Variants in RNF141 observed in about 807,000 individuals in gnomAD.
The protein encoded by RNF141 is C3HC4-like zinc finger protein.
A neutral mutation model predicts 27.4 loss-of-function variants in RNF141; 18 were observed. That is an observed-to-expected ratio of 0.66 (90% CI 0.45 to 0.97). The LOEUF (loss-of-function observed/expected upper bound fraction) is 0.97. Among genes scored for constraint, RNF141 ranks in the 50% least tolerant of loss-of-function variants. RNF141 has a pLI of 0.00. For missense variants in RNF141, 230 were observed against 279.4 expected (o/e 0.82, Z 1.26); for synonymous variants, 97 against 96.6 (o/e 1.00, Z -0.02).
chr11:10,521,344 G>A (rs1422558731), intron 4 of RNF141, among the ~76,000 whole-genome samples: 1 of 152,166 alleles, frequency 6.6e-6, no homozygotes, highest in Non-Finnish European at 1.5e-5. Flanking sequence ...TGAATATAGG[G>A]TGTTTGTCTT....
In RNF141 at chr11:10,525,257, G is replaced by C. The variant is rs781040500; in HGVS notation, c.369C>G (p.Thr123=). Residue 123 remains threonine (T), a synonymous_variant, in exon 4 of 6, where the codon ACC becomes ACG. Transcript: ENST00000265981. ...QAAGVLAQSS[T]SEEPDENSSS... The stretch of plus-strand genomic sequence containing the variant: ...ATGAGTTTTCATCAGGTTCTTCAGA[G>C]GTGGAGCTCTGTGCCAATACTCCTG... The C allele has an allele frequency of 1.6e-5, 26 of 1,613,060 alleles. No individual in the cohort carries two copies. The highest frequency in any genetic ancestry group is 2.1e-5 in the Non-Finnish European group (25 of 1,179,512).
chr11:10,517,311 A>G (rs1443597479), intron 5 of RNF141: 1 of 152,140 alleles, frequency 6.6e-6, no homozygotes, highest in Non-Finnish European at 1.5e-5. Flanking sequence ...TAGCAATAGT[A>G]ACTATCCAGG....
In RNF141 at chr11:10,520,821, C is replaced by A. The variant is rs556132712; in HGVS notation, c.435-1680G>T. 2.6e-5 allele frequency among the ~76,000 whole-genome samples: 4 copies of A among 152,206 alleles called. No individual in the cohort carries two copies. In the South Asian group the frequency reaches 8.3e-4, roughly 32 times the overall value. ...CACAGGCAATAGGAATTTTTTAGCTCCATTATAATCTTGAGACCACCATCA... is the reference window on the plus strand; with the variant it reads ...CACAGGCAATAGGAATTTTTTAGCTACATTATAATCTTGAGACCACCATCA... On this transcript the variant is annotated intron_variant, in intron 4 of 5. Transcript: ENST00000265981.
chr11:10,519,716 T>A (rs1849871630), intron 4 of RNF141, among the ~76,000 whole-genome samples: 1 of 136,688 alleles, frequency 7.3e-6, no homozygotes, highest in African/African-American at 2.5e-5. Context: ...TGTATCTAAA[T>A]GTATCTGAAC....
intron 1 of RNF141, among the ~76,000 whole-genome samples, chr11:10,539,701 A>ATATATATATATACAC (rs10524171): frequency 3.2e-5 from 1 of 31,476 alleles, no homozygotes; most frequent in Non-Finnish European, 7.2e-5. Context: ...CATATATATT[A>ATATATATATATACAC]GAGAGAGAAG....
chr11:10,539,701 A>ATATATATATATAT (rs10524171), intron 1 of RNF141, among the ~76,000 whole-genome samples: 2,666 of 31,444 alleles, frequency 0.085, 570 homozygotes, highest in East Asian at 0.38. Flanking sequence ...CATATATATT[A>ATATATATATATAT]GAGAGAGAAG....
chr11:10,521,041 G>A (rs1849883872), intron 4 of RNF141, among the ~76,000 whole-genome samples: 1 of 152,152 alleles, frequency 6.6e-6, no homozygotes, highest in Admixed American at 6.5e-5. Flanking sequence ...GATACAAAGG[G>A]AATAAAAAGC....
rs1360293377 is a variant in RNF141, at chr11:10,512,378, T to C, written c.*2538A>G. ...TCATTTATTTATTTGATAAGGCTAA[T>C]AACATTTTATATTCACAGTAGATCA... On this transcript the variant is annotated 3_prime_UTR_variant, in exon 6 of 6. Transcript: ENST00000265981. 2 of 152,652 alleles carry C rather than the reference T, an allele frequency of 1.3e-5. No homozygotes were observed. Among genetic ancestry groups the C allele is most frequent in the Non-Finnish European group, 2.9e-5 (2 of 68,040 alleles). 9.5% of individuals were successfully genotyped at this position (152,652 alleles called of 1,614,324 possible). A position where few individuals can be genotyped will look rare whatever the true frequency, so the allele number is the denominator to read the frequency against.
intron 3 of RNF141, among the ~76,000 whole-genome samples, chr11:10,527,018 T>C (rs1205677376): frequency 1.3e-5 from 2 of 152,166 alleles, no homozygotes; most frequent in Non-Finnish European, 2.9e-5. Flanking sequence ...GGGTAGTCCT[T>C]TGGAACTGCA....
At chr11:10,532,334 T>A (rs899556350) in intron 2 of RNF141, among the ~76,000 whole-genome samples, 23 of 152,108 alleles carry the variant, frequency 1.5e-4, no homozygotes, top group African/African-American at 5.6e-4. Flanking sequence ...GGATAATTTT[T>A]AAAAATAAGT....
chr11:10,536,625 G>A (rs1190237182), intron 1 of RNF141, among the ~76,000 whole-genome samples: 1 of 152,080 alleles, frequency 6.6e-6, no homozygotes. Flanking sequence ...TTGTTTTTGT[G>A]TTTTTTAAAG....
intron 2 of RNF141, chr11:10,532,078 A>G (rs1591500431): frequency 4.8e-6 from 2 of 417,022 alleles, no homozygotes; most frequent in East Asian, 8.1e-5. Context: ...ATGGTTTTAT[A>G]GGGTACATTT....
rs1221735014 is a variant in RNF141, at chr11:10,537,440, A to G, written c.-47-3235T>C. Among the ~76,000 whole-genome samples the G allele has an allele frequency of 5.9e-5, 9 of 152,190 alleles. No individual in the cohort carries two copies. The East Asian group carries it at 1.7e-3, about 29-fold the overall frequency. ...TAATATCTACATTACTTAACAAAGA[A>G]AAAAACTGAACTTTTGAAATATATA... On this transcript the variant is annotated intron_variant, in intron 1 of 5. Transcript: ENST00000265981.
intron 1 of RNF141, among the ~76,000 whole-genome samples, chr11:10,536,762 A>C (rs1037774549): frequency 2.5e-4 from 38 of 152,258 alleles, no homozygotes; most frequent in African/African-American, 8.2e-4. Flanking sequence ...GCACCCGGCC[A>C]AGTCTGGGGT....
chr11:10,512,923 T>TTA lies in RNF141; in HGVS notation c.*1991_*1992dup, dbSNP rs1404619768. 6.6e-6 allele frequency: 1 copy of TTA among 152,188 alleles called. No individual in the cohort carries two copies. Among genetic ancestry groups the TTA allele is most frequent in the Non-Finnish European group, 1.5e-5 (1 of 68,028 alleles). 9.4% of individuals were successfully genotyped at this position (152,188 alleles called of 1,614,324 possible). The stretch of plus-strand genomic sequence containing the variant: ...AAGGAAATTTATAATAATATGACTT[T>TTA]TATATAGTGGGGTATAGGGTATGTG... On this transcript the variant is annotated 3_prime_UTR_variant, in exon 6 of 6. Coordinates refer to ENST00000265981, the MANE Select transcript of RNF141 (RefSeq NM_016422.4).
chr11:10,518,992 CACTGACCTTGGCCCA>C, intron 5 of RNF141, 27 bp downstream of exon 5: 1 of 1,463,650 alleles, frequency 6.8e-7, no homozygotes, highest in Non-Finnish European at 9.6e-7. Context: ...TACACTATCC[CACTGACCTTGGCCCA>C]GCCCATGAAT....
At chr11:10,530,248 T>G (rs1290946163) in intron 3 of RNF141, among the ~76,000 whole-genome samples, 2 of 152,178 alleles carry the variant, frequency 1.3e-5, no homozygotes, top group Non-Finnish European at 2.9e-5. Context: ...TCAATGGATC[T>G]TTTTTCTTTT....
chr11:10,521,034 A>G (rs1302530022), intron 4 of RNF141, among the ~76,000 whole-genome samples: 1 of 152,242 alleles, frequency 6.6e-6, no homozygotes, highest in Non-Finnish European at 1.5e-5. Flanking sequence ...TGTGAGAGAT[A>G]CAAAGGGAAT....
chr11:10,522,019 G>C (rs1849891785), intron 4 of RNF141, among the ~76,000 whole-genome samples: 2 of 152,226 alleles, frequency 1.3e-5, no homozygotes, highest in Non-Finnish European at 2.9e-5. Context: ...GGACAGTCTA[G>C]AAAGAGGAAA....
Sources: allele counts gnomAD v4.1 joint callset (sites outside exome capture counted in the v4.1 genomes callset), GRCh38; gene constraint gnomAD v4.1.1; transcripts MANE v1.5; gene names NCBI Gene and HGNC (gene_info 2026-07-23, HGNC 2026-07-21).